MBD5: variants seen among roughly 807,000 people sequenced by gnomAD.
MBD5 encodes methyl-CpG binding domain protein 5.
Under a neutral mutation model 117.3 loss-of-function variants are expected in MBD5, and 13 were observed. The ratio of observed to expected loss-of-function variants is 0.11; its 90% CI spans 0.07 to 0.18. The LOEUF is 0.18. Among genes scored for constraint, MBD5 ranks in the 10% least tolerant of loss-of-function variants. The pLI, the probability that MBD5 is intolerant of heterozygous loss-of-function variation, is 1.00. For missense variants in MBD5, 1,879 were observed against 2,093.8 expected (o/e 0.90, Z 2.00); for synonymous variants, 727 against 766.4 (o/e 0.95, Z 0.85).
At chr2:148,365,367 A>G (rs1020788063) in intron 4 of MBD5, among the ~76,000 whole-genome samples, 4 of 152,222 alleles carry the variant, frequency 2.6e-5, no homozygotes, top group African/African-American at 9.6e-5. Context: ...ATAGCACCAA[A>G]TGCCCACAGG....
At chr2:148,379,178 G>T (rs1386197468) in intron 4 of MBD5, among the ~76,000 whole-genome samples, 1 of 151,630 alleles carries the variant, frequency 6.6e-6, no homozygotes, top group Non-Finnish European at 1.5e-5. Context: ...TAACAAATGA[G>T]AAATAAAAAG....
chr2:148,099,157 A>G (rs1696142996), intron 1 of MBD5, among the ~76,000 whole-genome samples: 2 of 152,190 alleles, frequency 1.3e-5, no homozygotes, highest in Non-Finnish European at 2.9e-5. Context: ...CAAAGAAATA[A>G]AAGTTACAAG....
intron 4 of MBD5, among the ~76,000 whole-genome samples, chr2:148,448,482 G>C (rs190150805): frequency 2.6e-5 from 4 of 151,342 alleles, no homozygotes; most frequent in Admixed American, 2.0e-4. Context: ...AGGTTACTAG[G>C]GTACTAGCAG....
chr2:148,150,952 G>T (rs1165080845), intron 1 of MBD5, among the ~76,000 whole-genome samples: 1 of 151,426 alleles, frequency 6.6e-6, no homozygotes, highest in South Asian at 2.1e-4. Context: ...CTGCCTGATT[G>T]CCCTGGCCAG....
intron 3 of MBD5, among the ~76,000 whole-genome samples, chr2:148,328,474 T>C (rs1702531193): frequency 6.6e-6 from 1 of 152,236 alleles, no homozygotes; most frequent in Admixed American, 6.5e-5. Flanking sequence ...CTCAGACTGC[T>C]GTGCTAGCAA....
intron 8 of MBD5, among the ~76,000 whole-genome samples, chr2:148,479,815 T>C (rs1259881098): frequency 6.6e-6 from 1 of 151,812 alleles, no homozygotes; most frequent in African/African-American, 2.4e-5. Flanking sequence ...ACCACTTGAC[T>C]AGTTTTCCCT....
intron 1 of MBD5, among the ~76,000 whole-genome samples, chr2:148,090,414 G>T (rs1016973768): frequency 6.6e-6 from 1 of 151,786 alleles, no homozygotes; most frequent in Non-Finnish European, 1.5e-5. Flanking sequence ...GCCAATATCT[G>T]TAATGAACAT....
At chr2:148,446,060 A>T (rs1363422458) in intron 4 of MBD5, among the ~76,000 whole-genome samples, 9 of 150,614 alleles carry the variant, frequency 6.0e-5, no homozygotes, top group Admixed American at 3.3e-4. Flanking sequence ...AGGTTGCAAA[A>T]ATTTTCTCCC....
intron 1 of MBD5, among the ~76,000 whole-genome samples, chr2:148,157,853 C>T (rs1380655797): frequency 6.6e-6 from 1 of 152,066 alleles, no homozygotes; most frequent in Non-Finnish European, 1.5e-5. Flanking sequence ...TTCCAGAGGA[C>T]AGTTTAACAA....
intron 3 of MBD5, among the ~76,000 whole-genome samples, chr2:148,327,237 T>A (rs973089653): frequency 9.9e-5 from 15 of 152,126 alleles, no homozygotes; most frequent in Non-Finnish European, 1.9e-4. Flanking sequence ...CCTTTGAGGG[T>A]AGCCTGACCT....
At chr2:148,163,969 A>G (rs1282938282) in intron 1 of MBD5, among the ~76,000 whole-genome samples, 1 of 152,204 alleles carries the variant, frequency 6.6e-6, no homozygotes, top group South Asian at 2.1e-4. Context: ...TTGAAACACA[A>G]CTTGTTTGTA....
intron 2 of MBD5, among the ~76,000 whole-genome samples, chr2:148,204,171 A>T (rs1019709804): frequency 1.1e-4 from 16 of 152,222 alleles, no homozygotes; most frequent in African/African-American, 3.9e-4. Flanking sequence ...TCATGAAACA[A>T]TAGTAGAAGA....
chr2:148,454,162 T>C (rs1039269058), intron 4 of MBD5, among the ~76,000 whole-genome samples: 2 of 152,044 alleles, frequency 1.3e-5, no homozygotes, highest in Non-Finnish European at 2.9e-5. Context: ...AATGTCATAG[T>C]AAAATGCCCA....
intron 4 of MBD5, among the ~76,000 whole-genome samples, chr2:148,350,718 C>T (rs1252043360): frequency 6.6e-6 from 1 of 151,970 alleles, no homozygotes; most frequent in Non-Finnish European, 1.5e-5. Context: ...TAGCATCTAT[C>T]CTGCTAAAAC....
chr2:148,311,377 G>A (rs935256749), intron 3 of MBD5, among the ~76,000 whole-genome samples: 4 of 152,142 alleles, frequency 2.6e-5, no homozygotes, highest in African/African-American at 9.7e-5. Flanking sequence ...TCTTCTTGTT[G>A]CATTGATCCT....
chr2:148,239,251 C>T (rs918224174), intron 3 of MBD5, among the ~76,000 whole-genome samples: 5 of 152,128 alleles, frequency 3.3e-5, no homozygotes, highest in African/African-American at 1.2e-4. Flanking sequence ...ATTTCTTGGA[C>T]ATCGACAGTT....
At position 148,107,598 on chromosome 2, in the gene MBD5, A is replaced by G. The variant is rs73007189; in HGVS notation, c.-924-71102A>G. ...CAGTTTTCTAATTCTCTTTTCAGCT[A>G]TATTGAAGTTGCTGTTTAACTTATT... On this transcript the variant is annotated intron_variant, in intron 1 of 13. Coordinates refer to ENST00000642680, the MANE Select transcript of MBD5 (RefSeq NM_001378120.1). 2.6e-3 allele frequency among the ~76,000 whole-genome samples: 396 copies of G among 151,966 alleles called. 1 individual carries two copies. The highest frequency in any genetic ancestry group is 8.9e-3 in the African/African-American group (369 of 41,482).
intron 1 of MBD5, among the ~76,000 whole-genome samples, chr2:148,040,776 A>G (rs1306340387): frequency 6.6e-6 from 1 of 152,166 alleles, no homozygotes; most frequent in Non-Finnish European, 1.5e-5. Context: ...TAGGTCTGGA[A>G]TAACTATTCT....
chr2:148,089,565 G>A (rs2105220074), intron 1 of MBD5, among the ~76,000 whole-genome samples: 1 of 152,126 alleles, frequency 6.6e-6, no homozygotes, highest in Non-Finnish European at 1.5e-5. Flanking sequence ...CACATACATG[G>A]AAATTAAAGA....
Sources: gnomAD v4.1 joint callset for allele counts (sites outside exome capture counted in the v4.1 genomes callset) on GRCh38, gnomAD v4.1.1 for gene constraint, MANE v1.5 for transcripts, NCBI Gene and HGNC (gene_info 2026-07-23, HGNC 2026-07-21) for gene names.